The following NBAS variants were observed in gnomAD, a reference collection of about 807,000 sequenced individuals.
NBAS encodes the protein NAG/BC035112 fusion.
A neutral mutation model predicts 302.5 loss-of-function variants in NBAS; 219 were observed. The observed-to-expected ratio is 0.72, with a 90% confidence interval of 0.65 to 0.81. NBAS has a LOEUF of 0.81. Among genes scored for constraint, NBAS ranks in the 30% least tolerant of loss-of-function variants. NBAS has a pLI of 0.00. For missense variants in NBAS, 2,932 were observed against 2,841.6 expected (o/e 1.03, Z -0.72); for synonymous variants, 1,118 against 1,021.6 (o/e 1.09, Z -1.80).
At chr2:14,779,448 T>C in the NBAS span, among the ~76,000 whole-genome samples, 3 of 152,184 alleles carry the variant, frequency 2.0e-5, no homozygotes, top group Admixed American at 1.3e-4. Flanking sequence ...GGACAGGCTC[T>C]GGCACCTTGC....
the NBAS span, among the ~76,000 whole-genome samples, chr2:14,874,521 T>TC: frequency 6.7e-6 from 1 of 150,112 alleles, no homozygotes; most frequent in East Asian, 2.0e-4. Context: ...GCGCCTGTAG[T>TC]CCCAGCTACT....
At chr2:14,989,293 A>ATGTGTGTGTGTGTGTGTGTGTGTGTG in the NBAS span, among the ~76,000 whole-genome samples, 4 of 148,024 alleles carry the variant, frequency 2.7e-5, no homozygotes, top group African/African-American at 7.5e-5. Context: ...ATGTATGTGT[A>ATGTGTGTGTGTGTGTGTGTGTGTGTG]TGTGTGTGTG....
At chr2:14,887,675 C>A in the NBAS span, among the ~76,000 whole-genome samples, 1 of 152,128 alleles carries the variant, frequency 6.6e-6, no homozygotes, top group South Asian at 2.1e-4. Context: ...CTCTCCACGC[C>A]CCTCCCCACA....
At chr2:15,511,457 A>G (rs1662141928) in intron 9 of NBAS, 107 bp from the exon 10 acceptor site, 2 of 962,202 alleles carry the variant, frequency 2.1e-6, no homozygotes, top group African/African-American at 1.6e-5. Context: ...ACCAAGTACT[A>G]TTAATATATG....
At chr2:15,016,161 C>T in the NBAS span, among the ~76,000 whole-genome samples, 2 of 152,012 alleles carry the variant, frequency 1.3e-5, no homozygotes, top group East Asian at 3.9e-4. Context: ...CTGGGGAGGC[C>T]TCATAATCAT....
At chr2:14,928,626 A>G in the NBAS span, among the ~76,000 whole-genome samples, 1 of 152,014 alleles carries the variant, frequency 6.6e-6, no homozygotes, top group Non-Finnish European at 1.5e-5. Context: ...CTGAAAAGAA[A>G]TTCAGTTTAG....
chr2:15,510,793 C>T (rs1188039932), intron 10 of NBAS, among the ~76,000 whole-genome samples: 1 of 152,176 alleles, frequency 6.6e-6, no homozygotes, highest in African/African-American at 2.4e-5. Context: ...TACTTAACTA[C>T]ACCTCACTTA....
chr2:15,557,311 A>C (rs1352397676), intron 2 of NBAS, among the ~76,000 whole-genome samples: 7 of 152,186 alleles, frequency 4.6e-5, no homozygotes, highest in Non-Finnish European at 1.0e-4. Flanking sequence ...CTAAATGTAC[A>C]TGTATGTGTG....
chr2:15,193,134 C>T (rs552313393), intron 48 of NBAS, among the ~76,000 whole-genome samples: 8 of 152,248 alleles, frequency 5.3e-5, no homozygotes, highest in Admixed American at 6.5e-5. Flanking sequence ...ACCTTTCTCA[C>T]ATGTAGTCTT....
intron 51 of NBAS, among the ~76,000 whole-genome samples, chr2:15,174,606 C>T (rs75174799): frequency 2.7e-4 from 41 of 152,310 alleles, no homozygotes; most frequent in Non-Finnish European, 5.7e-4. Context: ...TAGTGTTTTG[C>T]AGAGCTAATA....
At chr2:15,316,937 A>G (rs1572644074) in intron 38 of NBAS, among the ~76,000 whole-genome samples, 1 of 152,112 alleles carries the variant, frequency 6.6e-6, no homozygotes, top group Non-Finnish European at 1.5e-5. Context: ...TGGGTCCCTG[A>G]CCCCGTGTAG....
chr2:15,049,601 G>A, the NBAS span, among the ~76,000 whole-genome samples: 3 of 152,206 alleles, frequency 2.0e-5, no homozygotes, highest in Admixed American at 6.5e-5. Context: ...TCTAAAACAG[G>A]AAACTCAAGG....
chr2:15,044,101 T>C, the NBAS span, among the ~76,000 whole-genome samples: 1 of 151,834 alleles, frequency 6.6e-6, no homozygotes, highest in Non-Finnish European at 1.5e-5. Context: ...TAATAAAGGG[T>C]TAGGCTGAAC....
At chr2:14,860,387 G>A in the NBAS span, among the ~76,000 whole-genome samples, 1,924 of 152,174 alleles carry the variant, frequency 0.013, 48 homozygotes, top group African/African-American at 0.044. Context: ...GCATTCTCAC[G>A]CATTGCAGCA....
chr2:14,790,959 G>A, the NBAS span, among the ~76,000 whole-genome samples: 3 of 152,080 alleles, frequency 2.0e-5, no homozygotes, highest in Admixed American at 6.6e-5. Context: ...AGGTTCAAGC[G>A]ATTCTCCTGC....
intron 30 of NBAS, among the ~76,000 whole-genome samples, chr2:15,376,086 T>C (rs1319297240): frequency 1.3e-5 from 2 of 152,234 alleles, no homozygotes; most frequent in African/African-American, 2.4e-5. Flanking sequence ...GGGAGATTTA[T>C]TGTCAATACA....
At chr2:15,025,061 T>G in the NBAS span, among the ~76,000 whole-genome samples, 1 of 152,180 alleles carries the variant, frequency 6.6e-6, no homozygotes, top group African/African-American at 2.4e-5. Flanking sequence ...AAAATGGTAT[T>G]TCCTAGGTTA....
rs553951049 is a variant in NBAS at position 15,167,194 on chromosome 2, G to A, written c.6970C>T (p.Arg2324Cys). Residue 2324 changes from arginine to cysteine, a missense_variant, in exon 52 of 52, where the codon CGC becomes TGC. Transcript: ENST00000281513. The stretch of plus-strand genomic sequence containing the variant: ...CTGCCCAGCTCCTCTGCATCCCAGC[G>A]CCCTTGCTGGAGGCTAGCCAAGAGG... ...DHLLASLQQG[R>C]WDAEELGRHL... 2.4e-5 allele frequency: 38 copies of A among 1,614,248 alleles called. No homozygotes were observed. The highest frequency in any genetic ancestry group is 1.2e-4 in the South Asian group (11 of 91,090).
At chr2:14,916,757 A>T in the NBAS span, among the ~76,000 whole-genome samples, 5 of 152,178 alleles carry the variant, frequency 3.3e-5, no homozygotes, top group Non-Finnish European at 5.9e-5. Context: ...AAGATGCCTC[A>T]TGTATTCAGA....
Sources: gnomAD v4.1 joint callset for allele counts (sites outside exome capture counted in the v4.1 genomes callset) on GRCh38, gnomAD v4.1.1 for gene constraint, MANE v1.5 for transcripts, NCBI Gene and HGNC (gene_info 2026-07-23, HGNC 2026-07-21) for gene names.